SBF2: variants seen among roughly 807,000 people sequenced by gnomAD.
SBF2 encodes SET binding factor 2, also known as myotubularin-related protein 13.
In SBF2, 112 loss-of-function variants were observed where a neutral mutation model predicts 225.2. That is an observed-to-expected ratio of 0.50 (90% CI 0.43 to 0.58). The LOEUF (loss-of-function observed/expected upper bound fraction) is 0.58, where lower values mean the gene tolerates loss of function less well. SBF2 is among the 20% of genes least tolerant of loss of function. The probability of loss-of-function intolerance (pLI) is 0.00; values close to 1 mark genes in which losing one functional copy is unlikely to be tolerated. For synonymous variants in SBF2, 763 were observed against 773.3 expected, an observed-to-expected ratio of 0.99 and a Z score of 0.22; for missense variants, 1,996 against 2,206.2, an observed-to-expected ratio of 0.90 and a Z score of 1.91.
intron 28 of SBF2, among the ~76,000 whole-genome samples, chr11:9,822,414 C>T (rs12278797): frequency 0.51 from 78,118 of 151,940 alleles, 22,804 homozygotes; most frequent in Non-Finnish European, 0.66. Context: ...GCGCCCGCCA[C>T]CACGCCCGGC....
At chr11:9,848,473 A>C (rs1442397393) in intron 22 of SBF2, among the ~76,000 whole-genome samples, 2 of 152,248 alleles carry the variant, frequency 1.3e-5, no homozygotes, top group South Asian at 4.1e-4. Context: ...TTTCACACTA[A>C]GCATACTTTA....
chr11:10,191,148 G>A (rs1036349623), intron 2 of SBF2, among the ~76,000 whole-genome samples: 7 of 152,112 alleles, frequency 4.6e-5, no homozygotes, highest in Non-Finnish European at 8.8e-5. Context: ...CATTATGGAA[G>A]GGGTAAGAAT....
intron 17 of SBF2, among the ~76,000 whole-genome samples, chr11:9,873,951 AG>A (rs1431852206): frequency 4.6e-5 from 7 of 152,108 alleles, no homozygotes; most frequent in Non-Finnish European, 8.8e-5. Context: ...CGGGAGGCTG[AG>A]GCAAGAGAAT....
intron 37 of SBF2, 140 bp from the exon 38 acceptor site, chr11:9,784,578 A>AT (rs1298171001): frequency 9.9e-6 from 7 of 704,120 alleles, no homozygotes; most frequent in Middle Eastern, 3.7e-4. Context: ...TTCTCCCTGG[A>AT]TTTTTTCTGC....
At position 9,785,230 on chromosome 11, in the gene SBF2, C is replaced by T. The variant is rs538233130; in HGVS notation, c.5126G>A (p.Ser1709Asn). The change falls in exon 37 of 40, where the codon AGC (serine) becomes AAC (asparagine). Residue 1709 changes from serine (S) to asparagine (N), a missense_variant. Physicochemically the swap from Ser to Asn is conservative, Grantham distance 46 (BLOSUM62 1). Transcript: ENST00000256190. ...GGAATTCTGTTCCTCCCCCATGCTG[C>T]TGTCTGGGAGATGTAGCAGAGACCT... is the stretch of plus-strand genomic sequence containing the variant. ...QKRSLLHLPDSSMGEEQNSSI... is the reference protein window; with the variant it reads ...QKRSLLHLPDNSMGEEQNSSI... 1.9e-6 allele frequency: 3 copies of T among 1,614,184 alleles called. No individual in the cohort carries two copies. In the African/African-American group the frequency reaches 4.0e-5, roughly 22 times the overall value.
In SBF2 at chr11:10,002,538, T is replaced by C. The variant is rs375228128; in HGVS notation, c.752+19A>G. ...TATGTAGTTTAGGAATAAATAAAATTAACAAATGAAAACCTCACCTATATT... is the reference window on the plus strand; with the variant it reads ...TATGTAGTTTAGGAATAAATAAAATCAACAAATGAAAACCTCACCTATATT... On this transcript the variant is annotated intron_variant, in intron 7 of 39. Coordinates refer to ENST00000256190, the MANE Select transcript of SBF2 (RefSeq NM_030962.4). 2 of 1,588,028 alleles carry C rather than the reference T, an allele frequency of 1.3e-6. No individual in the cohort carries two copies. Among genetic ancestry groups the C allele is most frequent in the African/African-American group, 2.7e-5 (2 of 74,314 alleles).
At position 9,785,293 on chromosome 11, in the gene SBF2, G is replaced by A. The variant is rs1852296626; in HGVS notation, c.5063C>T (p.Pro1688Leu). The A allele has an allele frequency of 4.3e-6, 7 of 1,614,148 alleles. No individual in the cohort carries two copies. Among genetic ancestry groups the A allele is most frequent in the Non-Finnish European group, 5.9e-6 (7 of 1,179,996 alleles). Residue 1688 changes from proline (P) to leucine (L), a missense_variant, in exon 37 of 40, where the codon CCA (proline) becomes CTA (leucine). Coordinates refer to ENST00000256190, the MANE Select transcript of SBF2 (RefSeq NM_030962.4). ...AGGTAGGTTGGTAGACACAATTCCT[G>A]GGGATCTCGACAGGTGTCTTTGGGA... ...DRSQRHLSRS[P>L]GIVSTNLPSY...
intron 16 of SBF2, among the ~76,000 whole-genome samples, chr11:9,935,918 C>T (rs1389391274): frequency 6.6e-6 from 1 of 152,168 alleles, no homozygotes; most frequent in African/African-American, 2.4e-5. Context: ...ATGACTAAAA[C>T]ACCAAAAGCA....
intron 1 of SBF2, among the ~76,000 whole-genome samples, chr11:10,210,895 C>T (rs1037442285): frequency 2.6e-5 from 4 of 151,732 alleles, no homozygotes; most frequent in African/African-American, 9.7e-5. Context: ...TGCCTGTAAA[C>T]CCAGCTACTT....
chr11:10,026,139 G>A (rs1004761967), intron 6 of SBF2, among the ~76,000 whole-genome samples: 2 of 151,416 alleles, frequency 1.3e-5, no homozygotes, highest in African/African-American at 2.4e-5. Flanking sequence ...GGTCCTTGAC[G>A]CTAAATGCTG....
intron 2 of SBF2, among the ~76,000 whole-genome samples, chr11:10,190,435 G>C (rs1347766640): frequency 6.6e-6 from 1 of 152,060 alleles, no homozygotes; most frequent in Non-Finnish European, 1.5e-5. Flanking sequence ...ATTATGTTTG[G>C]TTTAGCTTAC....
At chr11:10,049,180 G>T (rs1037929864) in intron 2 of SBF2, among the ~76,000 whole-genome samples, 3 of 152,122 alleles carry the variant, frequency 2.0e-5, no homozygotes, top group African/African-American at 7.2e-5. Flanking sequence ...TTACAAAAAT[G>T]TAACACAGTA....
At chr11:9,973,767 AG>A (rs1388380113) in intron 13 of SBF2, among the ~76,000 whole-genome samples, 2 of 152,190 alleles carry the variant, frequency 1.3e-5, no homozygotes, top group Admixed American at 6.5e-5. Context: ...ATAAAAGCAA[AG>A]CAAGGCACAA....
intron 36 of SBF2, 52 bp downstream of exon 36, chr11:9,787,582 T>C (rs752352861): frequency 2.7e-6 from 4 of 1,499,500 alleles, no homozygotes; most frequent in Non-Finnish European, 3.7e-6. Context: ...CCACCTGACT[T>C]AGCACCCTCA....
At chr11:9,805,628 T>C (rs577719721) in intron 32 of SBF2, among the ~76,000 whole-genome samples, 139 of 152,308 alleles carry the variant, frequency 9.1e-4, no homozygotes, top group African/African-American at 3.3e-3. Flanking sequence ...TCTAGATTTT[T>C]TTTTTTTCCC....
At chr11:10,260,534 A>G (rs530971588) in intron 1 of SBF2, among the ~76,000 whole-genome samples, 22 of 151,750 alleles carry the variant, frequency 1.4e-4, no homozygotes, top group East Asian at 5.8e-4. Context: ...GGCTAACAGG[A>G]TGAAACCCCC....
chr11:10,289,261 T>C (rs1199720553), intron 1 of SBF2, among the ~76,000 whole-genome samples: 1 of 152,178 alleles, frequency 6.6e-6, no homozygotes, highest in Non-Finnish European at 1.5e-5. Flanking sequence ...GAGGCCTTGG[T>C]CCACAGCCCC....
chr11:9,965,296 ACTT>A (rs1054558299), intron 14 of SBF2, among the ~76,000 whole-genome samples: 2 of 147,844 alleles, frequency 1.4e-5, no homozygotes, highest in African/African-American at 5.0e-5. Flanking sequence ...AATGTTTTAA[ACTT>A]TTTTTTTTTT....
rs914679014 is a variant in SBF2 at position 9,785,254 on chromosome 11, C to T, written c.5102G>A (p.Arg1701Lys). 5.6e-6 allele frequency: 9 copies of T among 1,614,154 alleles called. No individual in the cohort carries two copies. Among genetic ancestry groups the T allele is most frequent in the Non-Finnish European group, 7.6e-6 (9 of 1,179,996 alleles). Residue 1701 changes from arginine to lysine, a missense_variant, in exon 37 of 40, where the codon AGG becomes AAG. Coordinates refer to ENST00000256190, the MANE Select transcript of SBF2 (RefSeq NM_030962.4). ...VSTNLPSYQK[R>K]SLLHLPDSSM... ...GCTGTCTGGGAGATGTAGCAGAGACCTCTTCTGATAGGAAGGTAGGTTGGT... is the reference window on the plus strand; with the variant it reads ...GCTGTCTGGGAGATGTAGCAGAGACTTCTTCTGATAGGAAGGTAGGTTGGT...
Sources: allele counts gnomAD v4.1 joint callset (sites outside exome capture counted in the v4.1 genomes callset), GRCh38; gene constraint gnomAD v4.1.1; transcripts MANE v1.5; gene names NCBI Gene and HGNC (gene_info 2026-07-23, HGNC 2026-07-21).